EGFR: variants seen among roughly 807,000 people sequenced by gnomAD.
The protein encoded by EGFR is avian erythroblastic leukemia viral (v-erb-b) oncogene homolog.
In EGFR, 58 loss-of-function variants were observed where a neutral mutation model predicts 143.0. The observed-to-expected ratio is 0.41, with a 90% CI of 0.33 to 0.50. The LOEUF (loss-of-function observed/expected upper bound fraction) is 0.50, where lower values mean the gene tolerates loss of function less well. Ranked by LOEUF, EGFR falls within the 20% of genes least tolerant of loss-of-function variation. The pLI is 0.39. For synonymous variants in EGFR, 613 were observed against 594.4 expected, an observed-to-expected ratio of 1.03 and a Z score of -0.45; for missense variants, 1,307 against 1,579.0, an observed-to-expected ratio of 0.83 and a Z score of 2.92.
Position 55,125,587 on chromosome 7 carries a change from T to C in EGFR, c.89-16699T>C, listed in dbSNP as rs78869981. On this transcript the variant is annotated intron_variant, in intron 1 of 27. Transcript: ENST00000275493. ...ACAGCTTGTACATCTCAAGAAGTTA[T>C]GTAATTAAACTGTCTGTTTTGAGAA... Among the ~76,000 whole-genome samples, 465 of 152,348 alleles carry C rather than the reference T, an allele frequency of 3.1e-3. 1 individual carries two copies. The highest frequency in any genetic ancestry group is 4.9e-3 in the Non-Finnish European group (333 of 68,032).
intron 20 of EGFR, chr7:55,182,398 G>C (rs7795728): frequency 0.57 from 86,616 of 152,116 alleles, 25,321 homozygotes; most frequent in Middle Eastern, 0.68. Flanking sequence ...GCTTGCATCC[G>C]CCTGGTTAGC....
chr7:55,095,774 ACACT>A (rs1791428155), intron 1 of EGFR, among the ~76,000 whole-genome samples: 1 of 151,482 alleles, frequency 6.6e-6, no homozygotes, highest in Non-Finnish European at 1.5e-5. Context: ...ACACAGAGAC[ACACT>A]CACAGAGACA....
At chr7:55,074,669 A>G (rs376935116) in intron 1 of EGFR, among the ~76,000 whole-genome samples, 1 of 152,266 alleles carries the variant, frequency 6.6e-6, no homozygotes, top group Non-Finnish European at 1.5e-5. Flanking sequence ...TTGGGAATGC[A>G]TACTTTAACC....
At chr7:55,159,574 C>T (rs1387081439) in intron 11 of EGFR, among the ~76,000 whole-genome samples, 2 of 152,190 alleles carry the variant, frequency 1.3e-5, no homozygotes, top group African/African-American at 4.8e-5. Flanking sequence ...GTCAGAGGCC[C>T]CTGCTCTTTG....
intron 13 of EGFR, 120 bp from the exon 14 acceptor site, chr7:55,163,607 ATATAGT>A: frequency 2.6e-6 from 2 of 773,624 alleles, no homozygotes; most frequent in Non-Finnish European, 4.6e-6. Flanking sequence ...TTATATTACT[ATATAGT>A]CCTGGAGTCC....
chr7:55,124,814 C>A (rs996879048), intron 1 of EGFR, among the ~76,000 whole-genome samples: 1 of 152,222 alleles, frequency 6.6e-6, no homozygotes, highest in African/African-American at 2.4e-5. Flanking sequence ...CATACTCACT[C>A]GAACATTCCC....
intron 1 of EGFR, among the ~76,000 whole-genome samples, chr7:55,029,484 C>A (rs751527855): frequency 2.3e-4 from 35 of 151,986 alleles, no homozygotes; most frequent in Admixed American, 9.8e-4. Context: ...TATGAATTAG[C>A]CTTCACAGAG....
intron 1 of EGFR, among the ~76,000 whole-genome samples, chr7:55,090,577 C>T (rs1791052119): frequency 6.6e-6 from 1 of 152,118 alleles, no homozygotes; most frequent in African/African-American, 2.4e-5. Context: ...ACATGATTTA[C>T]TAAAACCATA....
intron 1 of EGFR, among the ~76,000 whole-genome samples, chr7:55,117,808 T>G (rs1792961660): frequency 6.6e-6 from 1 of 152,194 alleles, no homozygotes; most frequent in South Asian, 2.1e-4. Context: ...AAAGCATTGG[T>G]AAAGTGTATA....
At chr7:55,072,893 T>C (rs1315807940) in intron 1 of EGFR, among the ~76,000 whole-genome samples, 1 of 152,214 alleles carries the variant, frequency 6.6e-6, no homozygotes, top group South Asian at 2.1e-4. Flanking sequence ...TGATTTCTTT[T>C]TAGGTACATG....
intron 1 of EGFR, among the ~76,000 whole-genome samples, chr7:55,128,491 A>T (rs577838922): frequency 1.4e-3 from 215 of 152,346 alleles, no homozygotes; most frequent in African/African-American, 4.6e-3. Flanking sequence ...AAAGCAAAAG[A>T]AAACCTAAGA....
In EGFR at chr7:55,174,651, C is replaced by T. The variant is rs1025057865; in HGVS notation, c.2185-71C>T. 28 of 1,304,592 alleles carry T rather than the reference C, an allele frequency of 2.1e-5. No individual in the cohort carries two copies. In the African/African-American group the frequency reaches 3.8e-4, roughly 18 times the overall value. The allele number at this position is 1,304,592 out of a possible 1,614,324, so 80.8% of individuals were successfully genotyped here. Reference sequence around the variant, plus strand: ...GGGTGCATCGCTGGTAACATCCACCCAGATCACTGGGCAGCATGTGGCACC... The same window carrying T: ...GGGTGCATCGCTGGTAACATCCACCTAGATCACTGGGCAGCATGTGGCACC... On this transcript the variant is annotated intron_variant, in intron 18 of 27. Coordinates refer to ENST00000275493, the MANE Select transcript of EGFR (RefSeq NM_005228.5).
At chr7:55,077,938 G>C (rs1790225082) in intron 1 of EGFR, among the ~76,000 whole-genome samples, 1 of 152,228 alleles carries the variant, frequency 6.6e-6, no homozygotes, top group African/African-American at 2.4e-5. Flanking sequence ...GCTTTGCAAG[G>C]GTGTAATGCT....
chr7:55,124,479 T>C (rs918009233), intron 1 of EGFR, among the ~76,000 whole-genome samples: 4 of 152,230 alleles, frequency 2.6e-5, no homozygotes, highest in African/African-American at 9.6e-5. Flanking sequence ...TGATTGCAAC[T>C]TATGGTTGAA....
chr7:55,062,606 T>G (rs959454458), intron 1 of EGFR, among the ~76,000 whole-genome samples: 3 of 152,202 alleles, frequency 2.0e-5, no homozygotes, highest in African/African-American at 7.2e-5. Context: ...ATTATATTTG[T>G]GCCATTTGGA....
At chr7:55,096,627 A>AAT (rs1434455123) in intron 1 of EGFR, among the ~76,000 whole-genome samples, 3 of 152,196 alleles carry the variant, frequency 2.0e-5, no homozygotes, top group African/African-American at 7.2e-5. Context: ...GTGACTGACC[A>AAT]GGAGTTCCCG....
intron 1 of EGFR, among the ~76,000 whole-genome samples, chr7:55,037,202 T>C (rs1021761066): frequency 1.3e-5 from 2 of 152,238 alleles, no homozygotes; most frequent in Admixed American, 1.3e-4. Context: ...GCATGTTTCA[T>C]CTTGGATTTT....
At position 55,200,599 on chromosome 7, in the gene EGFR, T is replaced by C. The variant is rs1389115105; in HGVS notation, c.2946+186T>C. On this transcript the variant is annotated intron_variant, in intron 24 of 27. Coordinates refer to ENST00000275493, the MANE Select transcript of EGFR (RefSeq NM_005228.5). ...TCGTGAACTAAGCAGCATCCGTGAG[T>C]GGGGCCCACCCAACTCCATCTCCCC... is the stretch of plus-strand genomic sequence containing the variant. The C allele has an allele frequency of 4.5e-6, 3 of 667,116 alleles. No homozygotes were observed. The African/African-American group carries it at 5.3e-5, about 12-fold the overall frequency. The allele number at this position is 667,116 out of a possible 1,614,324, so 41.3% of individuals were successfully genotyped here. A position where few individuals can be genotyped will look rare whatever the true frequency, so the allele number is the denominator to read the frequency against.
intron 1 of EGFR, among the ~76,000 whole-genome samples, chr7:55,048,626 G>A (rs145210873): frequency 6.5e-4 from 99 of 152,284 alleles, no homozygotes; most frequent in South Asian, 5.0e-3. Context: ...GCTGTGTGAC[G>A]TTGGGTATGA....
Sources: gnomAD v4.1 joint callset for allele counts (sites outside exome capture counted in the v4.1 genomes callset) on GRCh38, gnomAD v4.1.1 for gene constraint, MANE v1.5 for transcripts, NCBI Gene and HGNC (gene_info 2026-07-23, HGNC 2026-07-21) for gene names.